The following NGEF variants were observed in gnomAD, a reference collection of about 807,000 sequenced individuals.
The protein encoded by NGEF is ephexin-1.
A neutral mutation model predicts 80.9 loss-of-function variants in NGEF; 31 were observed. That is an observed-to-expected ratio of 0.38 (90% CI 0.29 to 0.52). The LOEUF (loss-of-function observed/expected upper bound fraction) is 0.52. Ranked by LOEUF, NGEF falls within the 20% of genes least tolerant of loss-of-function variation. The pLI, the probability that NGEF is intolerant of heterozygous loss-of-function variation, is 0.84. For missense variants in NGEF, 709 were observed against 926.2 expected (o/e 0.77, Z 3.04); for synonymous variants, 371 against 370.2 (o/e 1.00, Z -0.03).
Position 232,892,090 on chromosome 2 carries a change from G to C in NGEF, c.1143-603C>G, listed in dbSNP as rs560350234. On this transcript the variant is annotated intron_variant, in intron 7 of 14. Transcript: ENST00000264051. The surrounding 1 kb of genome is among the most constrained non-coding windows in gnomAD (Gnocchi z 4.0). The stretch of plus-strand genomic sequence containing the variant: ...CCACAGCGGCAGGCTCTTGGGTGCT[G>C]TGAATGATTCCTAATCTGCCACATG... 1.3e-5 allele frequency among the ~76,000 whole-genome samples: 2 copies of C among 152,192 alleles called. No individual in the cohort carries two copies. The highest frequency in any genetic ancestry group is 3.9e-4 in the East Asian group (2 of 5,192).
chr2:232,985,374 T>C (rs947444742), intron 1 of NGEF, among the ~76,000 whole-genome samples: 1 of 152,150 alleles, frequency 6.6e-6, no homozygotes, highest in Admixed American at 6.5e-5. Context: ...CTCAGCCCTT[T>C]GGGAGGCCGA....
chr2:232,887,743 C>G (rs553911403), intron 9 of NGEF, among the ~76,000 whole-genome samples: 1 of 152,170 alleles, frequency 6.6e-6, no homozygotes, highest in Non-Finnish European at 1.5e-5. Context: ...TGAAGAATGT[C>G]CTGAGAGCCA....
chr2:232,913,661 C>T (rs1456988432), intron 5 of NGEF, among the ~76,000 whole-genome samples: 1 of 152,140 alleles, frequency 6.6e-6, no homozygotes, highest in African/African-American at 2.4e-5. Flanking sequence ...TGACTCACAC[C>T]TGTAATCCCA....
At chr2:232,919,537 C>T (rs1170179928) in intron 5 of NGEF, among the ~76,000 whole-genome samples, 2 of 152,054 alleles carry the variant, frequency 1.3e-5, no homozygotes, top group African/African-American at 4.8e-5. Context: ...CTGTTTACTC[C>T]TGACCATATG....
At chr2:232,966,778 T>C (rs748928069) in intron 3 of NGEF, among the ~76,000 whole-genome samples, 7 of 152,206 alleles carry the variant, frequency 4.6e-5, no homozygotes, top group Non-Finnish European at 8.8e-5. Context: ...CCTTGGCCCC[T>C]TGGACTCTTG....
In NGEF at chr2:232,882,407, C is replaced by T. The variant is rs372477986; in HGVS notation, c.1758-142G>A. 1.1e-4 allele frequency: 80 copies of T among 739,716 alleles called. 1 individual carries two copies. The highest frequency in any genetic ancestry group is 8.3e-4 in the South Asian group (48 of 57,692). The allele number at this position is 739,716 out of a possible 1,614,324, so 45.8% of individuals were successfully genotyped here. On this transcript the variant is annotated intron_variant, in intron 12 of 14. Transcript: ENST00000264051. ...GCTCAAGCCCACCCCAGGGACAGCTCGGGGGAGCCACAGAAACGGGCTGGT... is the reference window on the plus strand; with the variant it reads ...GCTCAAGCCCACCCCAGGGACAGCTTGGGGGAGCCACAGAAACGGGCTGGT...
chr2:232,933,553 C>T lies in NGEF; in HGVS notation c.384-6367G>A, dbSNP rs147179574. On this transcript the variant is annotated intron_variant, in intron 3 of 14. Transcript: ENST00000264051. ...AGGGTCTGATTTTGTCCCCTCCTTG[C>T]TCAAACATCTTGGTTGGAATCCCAT... 8.3e-3 allele frequency among the ~76,000 whole-genome samples: 1,267 copies of T among 152,328 alleles called. 30 individuals are homozygous for T. Among genetic ancestry groups the T allele is most frequent in the Admixed American group, 0.05 (759 of 15,302 alleles).
chr2:232,896,476 C>T (rs905396954), intron 5 of NGEF, among the ~76,000 whole-genome samples: 10 of 150,518 alleles, frequency 6.6e-5, no homozygotes, highest in African/African-American at 2.2e-4. Context: ...TTTGTTATGG[C>T]CACAGAGGAG....
intron 1 of NGEF, among the ~76,000 whole-genome samples, chr2:232,983,065 C>T (rs1489830789): frequency 7.9e-5 from 12 of 152,178 alleles, no homozygotes; most frequent in Admixed American, 7.9e-4. Context: ...CAGCTGTCAC[C>T]CTGCCCTGGG....
intron 1 of NGEF, among the ~76,000 whole-genome samples, chr2:233,003,209 T>C (rs183780458): frequency 4.6e-5 from 7 of 152,310 alleles, no homozygotes; most frequent in Non-Finnish European, 7.4e-5. Context: ...TGGCGAGTGT[T>C]TGGGGCCTCC....
chr2:232,988,545 C>T (rs1336999766), intron 1 of NGEF, among the ~76,000 whole-genome samples: 1 of 152,180 alleles, frequency 6.6e-6, no homozygotes, highest in Non-Finnish European at 1.5e-5. Context: ...GATTCCAGCC[C>T]TACGGGACAG....
At chr2:232,953,317 A>AG (rs977578806) in intron 3 of NGEF, among the ~76,000 whole-genome samples, 5 of 148,502 alleles carry the variant, frequency 3.4e-5, no homozygotes, top group Non-Finnish European at 7.4e-5. Flanking sequence ...AAAAAAAAAA[A>AG]AAAGAAAAAG....
At chr2:232,912,734 T>C (rs1692715396) in intron 5 of NGEF, among the ~76,000 whole-genome samples, 1 of 152,164 alleles carries the variant, frequency 6.6e-6, no homozygotes, top group African/African-American at 2.4e-5. Context: ...GGGGTGAGTT[T>C]TGGTAGCTTT....
At chr2:232,890,152 A>G (rs2592124) in intron 8 of NGEF, among the ~76,000 whole-genome samples, 9 of 118,500 alleles carry the variant, frequency 7.6e-5, no homozygotes, top group African/African-American at 2.7e-4. Flanking sequence ...AGGCGGAGGG[A>G]GTCTCAGTCC....
rs183477550 is a variant in NGEF, at chr2:232,894,804, G to A, written c.941C>T (p.Ala314Val). Residue 314 changes from alanine (A) to valine (V), a missense_variant, in exon 6 of 15, where the codon GCG (alanine) becomes GTG (valine). Physicochemically the swap from Ala to Val is moderately conservative, Grantham distance 64. This residue lies in a region of NGEF where 426 missense variants were observed against 622.9 expected (regional missense o/e 0.68). Coordinates refer to ENST00000264051, the MANE Select transcript of NGEF (RefSeq NM_019850.3). The stretch of plus-strand genomic sequence containing the variant: ...CAGGACGTTGGAGAAGAGGATGTGC[G>A]CCTCGGACGGGTGCAGGATCTTCCT... ...RIRKILHPSEAHILFSNVLDV... is the reference protein window; with the variant it reads ...RIRKILHPSEVHILFSNVLDV... 178 of 1,610,976 alleles carry A rather than the reference G, an allele frequency of 1.1e-4. No homozygotes were observed. The East Asian group carries it at 1.7e-3, about 16-fold the overall frequency.
chr2:232,883,466 T>G lies in NGEF; in HGVS notation c.1602A>C (p.Gly534=). 1 of 1,588,970 alleles carries G rather than the reference T, an allele frequency of 6.3e-7. No homozygotes were observed. Among genetic ancestry groups the G allele is most frequent in the Non-Finnish European group, 8.6e-7 (1 of 1,166,892 alleles). Residue 534 remains glycine, a splice_region_variant and synonymous_variant, in exon 12 of 15, where the codon GGA becomes GGC. Transcript: ENST00000264051. ...CTGAGTCAAATACCTGGTACTTGTC[T>G]CTGGAGATCAGGGAGAAGGGCAGGC... The part of the protein sequence containing the change: ...DLLVICRQIP[G]DKYQVFDSAP...
chr2:232,986,770 TG>T (rs1694540326), intron 1 of NGEF, among the ~76,000 whole-genome samples: 1 of 152,206 alleles, frequency 6.6e-6, no homozygotes, highest in Non-Finnish European at 1.5e-5. Flanking sequence ...GAACAAGTTC[TG>T]GGGATCTAAC....
intron 5 of NGEF, among the ~76,000 whole-genome samples, chr2:232,912,764 A>G (rs957722456): frequency 2.6e-5 from 4 of 152,108 alleles, no homozygotes; most frequent in African/African-American, 9.7e-5. Flanking sequence ...GCACTGGTCT[A>G]TTTCATTTAA....
chr2:232,978,024 G>C (rs1411172808), intron 1 of NGEF, among the ~76,000 whole-genome samples: 2 of 152,212 alleles, frequency 1.3e-5, no homozygotes, highest in Admixed American at 6.5e-5. Context: ...TTGCGGTGTT[G>C]GGTTGAGGAA....
Sources: allele counts gnomAD v4.1 joint callset (sites outside exome capture counted in the v4.1 genomes callset), GRCh38; gene constraint gnomAD v4.1.1; regional missense constraint gnomAD v4.1.1; non-coding constraint Gnocchi (gnomAD v3.1); transcripts MANE v1.5; gene names NCBI Gene and HGNC (gene_info 2026-07-23, HGNC 2026-07-21).